TMEM117: variants seen among roughly 807,000 people sequenced by gnomAD.
TMEM117 encodes transmembrane protein 117.
Under a neutral mutation model 52.4 loss-of-function variants are expected in TMEM117, and 27 were observed. The observed-to-expected ratio is 0.51, with a 90% CI of 0.38 to 0.71. The LOEUF (loss-of-function observed/expected upper bound fraction) is 0.71. Ranked by LOEUF, TMEM117 falls within the 30% of genes least tolerant of loss-of-function variation. TMEM117 has a pLI of 0.00. For synonymous variants in TMEM117, 215 were observed against 206.3 expected (o/e 1.04, Z -0.36); for missense variants, 556 against 630.5 (o/e 0.88, Z 1.26).
At chr12:43,845,101 T>C (rs1943179684) in intron 2 of TMEM117, 173 bp downstream of exon 2, 1 of 659,032 alleles carries the variant, frequency 1.5e-6, no homozygotes, top group Non-Finnish European at 2.4e-6. Context: ...CTGTTAATGG[T>C]TTACTTTTCC....
At chr12:44,385,610 A>C (rs1281489371) in intron 7 of TMEM117, among the ~76,000 whole-genome samples, 1 of 152,128 alleles carries the variant, frequency 6.6e-6, no homozygotes, top group East Asian at 1.9e-4. Flanking sequence ...AAAGGAAAAT[A>C]AAAATTTTAT....
At chr12:44,167,396 C>T (rs930169339) in intron 4 of TMEM117, among the ~76,000 whole-genome samples, 4 of 152,064 alleles carry the variant, frequency 2.6e-5, no homozygotes, top group African/African-American at 4.8e-5. Flanking sequence ...AGGCTGGGCG[C>T]GGTGGGTCAC....
intron 4 of TMEM117, among the ~76,000 whole-genome samples, chr12:44,207,357 A>G (rs1949582879): frequency 6.6e-6 from 1 of 152,168 alleles, no homozygotes; most frequent in Non-Finnish European, 1.5e-5. Flanking sequence ...CCTGCGTGGG[A>G]ATTAGCTTGT....
the TMEM117 span, among the ~76,000 whole-genome samples, chr12:43,807,960 A>G: frequency 2.6e-5 from 4 of 152,218 alleles, no homozygotes; most frequent in Non-Finnish European, 5.9e-5. Context: ...ATAATATATA[A>G]TAGACTTATT....
chr12:44,347,069 G>A (rs931875834), intron 6 of TMEM117, among the ~76,000 whole-genome samples: 4 of 150,550 alleles, frequency 2.7e-5, no homozygotes, highest in Admixed American at 2.6e-4. Context: ...ATTCCAATCT[G>A]CCTTTACACA....
intron 3 of TMEM117, among the ~76,000 whole-genome samples, chr12:44,079,222 A>G (rs1380788353): frequency 6.6e-6 from 1 of 152,152 alleles, no homozygotes; most frequent in Non-Finnish European, 1.5e-5. Context: ...CTTTGGGTAT[A>G]TACCCGGTAA....
intron 1 of TMEM117, among the ~76,000 whole-genome samples, chr12:43,837,414 C>G (rs1489102102): frequency 6.6e-6 from 1 of 151,994 alleles, no homozygotes; most frequent in African/African-American, 2.4e-5. Flanking sequence ...GCCATGATTT[C>G]CAGCTCACTG....
At chr12:43,855,901 A>G (rs1943391782) in intron 2 of TMEM117, among the ~76,000 whole-genome samples, 1 of 152,236 alleles carries the variant, frequency 6.6e-6, no homozygotes, top group Non-Finnish European at 1.5e-5. Flanking sequence ...TGGTCAAGGT[A>G]GTCATGGTAA....
At chr12:43,862,573 T>C (rs866604881) in intron 2 of TMEM117, among the ~76,000 whole-genome samples, 3 of 152,330 alleles carry the variant, frequency 2.0e-5, no homozygotes, top group Middle Eastern at 3.4e-3. Flanking sequence ...CTGACTGATA[T>C]AGAAATTTAA....
intron 6 of TMEM117, among the ~76,000 whole-genome samples, chr12:44,343,032 C>A (rs1951437944): frequency 6.6e-6 from 1 of 151,890 alleles, no homozygotes; most frequent in Non-Finnish European, 1.5e-5. Context: ...TTTACAGGTG[C>A]CCACCACCAT....
intron 6 of TMEM117, among the ~76,000 whole-genome samples, chr12:44,367,983 A>G (rs989921598): frequency 1.3e-5 from 2 of 152,078 alleles, no homozygotes; most frequent in African/African-American, 4.8e-5. Flanking sequence ...TCCTACAGTC[A>G]GTTTATAACT....
At chr12:43,958,965 C>T (rs1333304443) in intron 3 of TMEM117, among the ~76,000 whole-genome samples, 3 of 152,062 alleles carry the variant, frequency 2.0e-5, no homozygotes, top group Non-Finnish European at 4.4e-5. Flanking sequence ...CACCACCACG[C>T]CCGGCTAATT....
At chr12:44,229,960 A>T (rs974314802) in intron 5 of TMEM117, among the ~76,000 whole-genome samples, 2 of 152,126 alleles carry the variant, frequency 1.3e-5, no homozygotes, top group African/African-American at 4.8e-5. Context: ...CCTCTTGTTC[A>T]GTTTTGTGAG....
chr12:43,805,963 G>C, the TMEM117 span: 1 of 1,545,086 alleles, frequency 6.5e-7, no homozygotes, highest in East Asian at 2.4e-5. Flanking sequence ...AGGCCGCCTC[G>C]AAAGCCAATT....
intron 3 of TMEM117, among the ~76,000 whole-genome samples, chr12:44,077,907 C>G (rs1182308352): frequency 6.6e-6 from 1 of 152,032 alleles, no homozygotes; most frequent in Non-Finnish European, 1.5e-5. Context: ...AAAGACATAA[C>G]TTTAGAAATT....
intron 7 of TMEM117, among the ~76,000 whole-genome samples, chr12:44,379,073 CAG>C (rs1353017286): frequency 6.6e-6 from 1 of 151,106 alleles, no homozygotes; most frequent in Non-Finnish European, 1.5e-5. Context: ...CACTTGAACT[CAG>C]GGGTTTGAGA....
chr12:44,209,926 C>T (rs114960837), intron 4 of TMEM117, among the ~76,000 whole-genome samples: 1,745 of 152,046 alleles, frequency 0.011, 22 homozygotes, highest in South Asian at 0.053. Context: ...ACAGGAAGTC[C>T]GGTATTATTG....
At chr12:43,973,144 A>C (rs1945618228) in intron 3 of TMEM117, among the ~76,000 whole-genome samples, 1 of 152,150 alleles carries the variant, frequency 6.6e-6, no homozygotes, top group Non-Finnish European at 1.5e-5. Flanking sequence ...GGGTTTCATG[A>C]AGAAAAAAGG....
chr12:44,051,274 G>T (rs1239649332), intron 3 of TMEM117, among the ~76,000 whole-genome samples: 1 of 152,080 alleles, frequency 6.6e-6, no homozygotes, highest in African/African-American at 2.4e-5. Context: ...ACTCATAGTA[G>T]CCATGGTAAT....
Sources: allele counts gnomAD v4.1 joint callset (sites outside exome capture counted in the v4.1 genomes callset), GRCh38; gene constraint gnomAD v4.1.1; transcripts MANE v1.5; gene names NCBI Gene and HGNC (gene_info 2026-07-23, HGNC 2026-07-21).